Variants in FLACC1 observed in about 807,000 individuals in gnomAD.
FLACC1 encodes the protein flagellum associated containing coiled-coil domains 1.
A neutral mutation model predicts 62.8 loss-of-function variants in FLACC1; 66 were observed. The ratio of observed to expected loss-of-function variants is 1.05; its 90% CI spans 0.86 to 1.29. The LOEUF (loss-of-function observed/expected upper bound fraction) is 1.29, where lower values mean the gene tolerates loss of function less well. Ranked by LOEUF, FLACC1 falls within the 50% of genes most tolerant of loss-of-function variation. The probability of loss-of-function intolerance (pLI) is 0.00; values close to 1 mark genes in which losing one functional copy is unlikely to be tolerated. For synonymous variants in FLACC1, 156 were observed against 161.0 expected, an observed-to-expected ratio of 0.97 and a Z score of 0.24; for missense variants, 452 against 489.1, an observed-to-expected ratio of 0.92 and a Z score of 0.71.
intron 7 of FLACC1, among the ~76,000 whole-genome samples, chr2:201,335,094 T>A (rs1433465016): frequency 2.0e-5 from 3 of 152,138 alleles, no homozygotes; most frequent in African/African-American, 7.2e-5. Context: ...TTCACAGTAG[T>A]CTCTTACGAT....
chr2:201,292,560 A>G (rs1309061224), intron 12 of FLACC1, among the ~76,000 whole-genome samples: 2 of 152,242 alleles, frequency 1.3e-5, no homozygotes, highest in African/African-American at 4.8e-5. Flanking sequence ...GGTACCAGCC[A>G]CTGCAAAAAC....
At chr2:201,301,666 A>G (rs1290326129) in intron 11 of FLACC1, among the ~76,000 whole-genome samples, 6 of 152,220 alleles carry the variant, frequency 3.9e-5, no homozygotes, top group African/African-American at 1.4e-4. Flanking sequence ...AAAAAATGTT[A>G]AGGGCAGCCA....
intron 7 of FLACC1, among the ~76,000 whole-genome samples, chr2:201,339,178 T>C (rs1950754870): frequency 6.6e-6 from 1 of 152,146 alleles, no homozygotes; most frequent in African/African-American, 2.4e-5. Context: ...CTATTTTTGC[T>C]AGATTTTTTA....
At chr2:201,289,851 G>A (rs755102110) in intron 12 of FLACC1, 66 bp from the exon 13 acceptor site, 2 of 1,611,788 alleles carry the variant, frequency 1.2e-6, no homozygotes. Flanking sequence ...CTTCTCCAGG[G>A]CACCTGGACT....
rs1950578116 is a variant in FLACC1, at chr2:201,330,786, T to C, written c.572A>G (p.Asn191Ser). The C allele has an allele frequency of 6.2e-7, 1 of 1,613,908 alleles. No individual in the cohort carries two copies. The highest frequency in any genetic ancestry group is 8.5e-7 in the Non-Finnish European group (1 of 1,180,000). ...CTCTGCCTTCAAGGCTGCTTTGTAG[T>C]TGTTCTCCAACTCACTGAGTTCTGC... is the stretch of plus-strand genomic sequence containing the variant. ...HEAELSELEN[N>S]YKAALKAEKL... is the part of the protein sequence containing the mutation. Residue 191 changes from asparagine (N) to serine (S), a missense_variant, in exon 8 of 15, where the codon AAC becomes AGC. Around this residue, in one of 3 missense-constraint regions of FLACC1, gnomAD observed 301 missense variants for 318.4 expected, o/e 0.95. Transcript: ENST00000392257.
At chr2:201,330,387 A>G in intron 9 of FLACC1, 83 bp downstream of exon 9, 4 of 1,346,874 alleles carry the variant, frequency 3.0e-6, no homozygotes, top group Non-Finnish European at 4.1e-6. Context: ...TATTTTCTGG[A>G]CAAAAGCTCT....
At chr2:201,363,477 C>A in the FLACC1 span, among the ~76,000 whole-genome samples, 1 of 151,986 alleles carries the variant, frequency 6.6e-6, no homozygotes, top group African/African-American at 2.4e-5. Flanking sequence ...GGTTCAGCAG[C>A]CTGAGCCGCT....
chr2:201,308,852 T>C (rs1950157372), intron 10 of FLACC1, among the ~76,000 whole-genome samples: 1 of 152,220 alleles, frequency 6.6e-6, no homozygotes, highest in Admixed American at 6.5e-5. Context: ...ATAATAAGTC[T>C]GCACTCCCTA....
chr2:201,334,621 TA>T (rs567934115), intron 7 of FLACC1, among the ~76,000 whole-genome samples: 214 of 151,934 alleles, frequency 1.4e-3, no homozygotes, highest in Non-Finnish European at 2.7e-3. Flanking sequence ...CCATCTCTAC[TA>T]AAAATACAAA....
intron 7 of FLACC1, among the ~76,000 whole-genome samples, chr2:201,334,452 G>A (rs947100480): frequency 6.6e-5 from 10 of 152,046 alleles, no homozygotes; most frequent in African/African-American, 2.4e-4. Flanking sequence ...TAATGTTCTT[G>A]TCTGACTTGG....
chr2:201,359,564 G>C (rs1442235090), upstream of FLACC1, among the ~76,000 whole-genome samples: 1 of 152,220 alleles, frequency 6.6e-6, no homozygotes, highest in Non-Finnish European at 1.5e-5. Context: ...TAGACCTGTT[G>C]CTTGATTGCA....
intron 9 of FLACC1, among the ~76,000 whole-genome samples, chr2:201,315,392 C>G (rs1361143399): frequency 1.3e-5 from 2 of 152,104 alleles, no homozygotes; most frequent in Non-Finnish European, 2.9e-5. Flanking sequence ...CAAAAGCTAG[C>G]AGGAGTAGCT....
intron 12 of FLACC1, among the ~76,000 whole-genome samples, chr2:201,290,958 C>T (rs972356312): frequency 2.6e-5 from 4 of 152,164 alleles, no homozygotes; most frequent in African/African-American, 7.2e-5. Context: ...GATCAAACTG[C>T]GAGGTGGCAG....
Position 201,342,375 on chromosome 2 carries a change from C to T in FLACC1, c.519G>A (p.Lys173=), listed in dbSNP as rs753213040. 7 of 1,614,096 alleles carry T rather than the reference C, an allele frequency of 4.3e-6. No homozygotes were observed. The African/African-American group carries it at 8.0e-5, about 18-fold the overall frequency. ...GTCCATGCCAGAAAGTGTACCTGTT[C>T]TTGTTTTCAAAGTTCTGTTTCATCT... ...CAEMKQNFEN[K]NRELKEAHEA... is the part of the protein sequence containing the mutation. The change falls in exon 7 of 15, where the codon AAG becomes AAA. Residue 173 remains lysine, a synonymous_variant. Coordinates refer to ENST00000392257, the MANE Select transcript of FLACC1 (RefSeq NM_001127391.3).
chr2:201,325,041 C>A (rs896692877), intron 9 of FLACC1, among the ~76,000 whole-genome samples: 2 of 151,854 alleles, frequency 1.3e-5, no homozygotes, highest in African/African-American at 2.4e-5. Flanking sequence ...GGCTGAGGTG[C>A]GAGAATTGCT....
At chr2:201,323,990 A>G (rs1287982833) in intron 9 of FLACC1, among the ~76,000 whole-genome samples, 1 of 152,034 alleles carries the variant, frequency 6.6e-6, no homozygotes, top group Non-Finnish European at 1.5e-5. Context: ...GATGAAGAGA[A>G]GAGTACTTCA....
rs1345126438 is a variant in FLACC1, at chr2:201,299,260, T to A, written c.920A>T (p.Glu307Val). ...KQHQSDTLQL[E>V]ELRKTKEVMQ... Reference sequence around the variant, plus strand: ...TACCTCTTTGGTTTTTCTCAGCTCTTCTAATTGCAAGGTGTCACTTTGATG... The same window carrying A: ...TACCTCTTTGGTTTTTCTCAGCTCTACTAATTGCAAGGTGTCACTTTGATG... Residue 307 changes from glutamate (E) to valine (V), a missense_variant, in exon 12 of 15, where the codon GAA becomes GTA. Around this residue, in one of 3 missense-constraint regions of FLACC1, gnomAD observed 301 missense variants for 318.4 expected, o/e 0.95. Transcript: ENST00000392257. The A allele has an allele frequency of 6.2e-7, 1 of 1,613,806 alleles. No homozygotes were observed. The highest frequency in any genetic ancestry group is 2.2e-5 in the East Asian group (1 of 44,796).
At chr2:201,315,862 A>G (rs968465598) in intron 9 of FLACC1, among the ~76,000 whole-genome samples, 1 of 152,308 alleles carries the variant, frequency 6.6e-6, no homozygotes, top group Non-Finnish European at 1.5e-5. Flanking sequence ...CTCTCAGACC[A>G]CAGTGGAATA....
At chr2:201,316,791 T>A (rs1280270313) in intron 9 of FLACC1, among the ~76,000 whole-genome samples, 2 of 152,084 alleles carry the variant, frequency 1.3e-5, no homozygotes, top group Non-Finnish European at 2.9e-5. Flanking sequence ...TGAACATAGA[T>A]GCAAAAATCC....
Sources: allele counts gnomAD v4.1 joint callset (sites outside exome capture counted in the v4.1 genomes callset), GRCh38; gene constraint gnomAD v4.1.1; regional missense constraint gnomAD v4.1.1; transcripts MANE v1.5; gene names NCBI Gene and HGNC (gene_info 2026-07-23, HGNC 2026-07-21).